Variants in TANC2 observed in about 807,000 individuals in gnomAD.
The protein encoded by TANC2 is protein TANC2.
Under a neutral mutation model 210.5 loss-of-function variants are expected in TANC2, and 26 were observed. The observed-to-expected ratio is 0.12, with a 90% CI of 0.09 to 0.17. The LOEUF is 0.17. Ranked by LOEUF, TANC2 falls within the 10% of genes least tolerant of loss-of-function variation. TANC2 has a pLI of 1.00. For missense variants in TANC2, 2,129 were observed against 2,608.9 expected (o/e 0.82, Z 4.01); for synonymous variants, 931 against 967.1 (o/e 0.96, Z 0.69).
At chr17:63,295,702 A>G (rs1292191671) in intron 9 of TANC2, among the ~76,000 whole-genome samples, 3 of 152,222 alleles carry the variant, frequency 2.0e-5, no homozygotes, top group Non-Finnish European at 4.4e-5. Flanking sequence ...CAGATGTAAT[A>G]ATCAAATCCT....
chr17:63,421,836 A>T lies in TANC2; in HGVS notation c.6106A>T (p.Thr2036Ser), dbSNP rs778950132. The T allele has an allele frequency of 6.2e-7, 1 of 1,613,864 alleles. No homozygotes were observed. ...CTATCCCGACGTGAAGGTAGCTCGG[A>T]CTCTACCTGTGGCTCAGGCATACCA... The change falls in exon 28 of 28, where the codon ACT becomes TCT. Residue 2036 changes from threonine to serine, a missense_variant. Thr to Ser is a moderately conservative substitution (Grantham distance 58). Around this residue, in one of 5 missense-constraint regions of TANC2, gnomAD observed 161 missense variants for 178.6 expected, o/e 0.90. Transcript: ENST00000689528. This position sits in a 1 kb window ranked among gnomAD's most constrained non-coding sequence, Gnocchi z 6.9.
intron 2 of TANC2, among the ~76,000 whole-genome samples, chr17:63,066,701 A>G (rs774866260): frequency 5.3e-5 from 8 of 152,086 alleles, no homozygotes; most frequent in South Asian, 2.1e-4. Flanking sequence ...GTGGAGCTAT[A>G]GTACCAAGAG....
At chr17:63,373,649 T>C (rs1429409980) in intron 14 of TANC2, among the ~76,000 whole-genome samples, 1 of 152,226 alleles carries the variant, frequency 6.6e-6, no homozygotes, top group Non-Finnish European at 1.5e-5. Flanking sequence ...TTTACTGCTA[T>C]ACCTATGGTA....
At chr17:63,332,513 A>C (rs191337248) in intron 11 of TANC2, 14 of 397,312 alleles carry the variant, frequency 3.5e-5, no homozygotes, top group Middle Eastern at 1.8e-3. Flanking sequence ...AATCAGCCCC[A>C]CTGGATTTAG....
chr17:63,412,556 G>A lies in TANC2; in HGVS notation c.3899-124G>A. On this transcript the variant is annotated intron_variant, in intron 23 of 27. Coordinates refer to ENST00000689528, the Ensembl canonical transcript of TANC2. This position sits in a 1 kb window ranked among gnomAD's most constrained non-coding sequence, Gnocchi z 4.2. ...GCCCACAGACCTATAGACGAGGGTTGGCTGATATGCTGGCTTTGTGCTGCC... is the reference window on the plus strand; with the variant it reads ...GCCCACAGACCTATAGACGAGGGTTAGCTGATATGCTGGCTTTGTGCTGCC... The A allele has an allele frequency of 1.1e-6, 1 of 906,416 alleles. No individual in the cohort carries two copies. The highest frequency in any genetic ancestry group is 2.6e-5 in the East Asian group (1 of 38,108). The allele number at this position is 906,416 out of a possible 1,614,324, so 56.1% of individuals were successfully genotyped here.
intron 12 of TANC2, among the ~76,000 whole-genome samples, chr17:63,350,268 C>G (rs2046556544): frequency 6.6e-6 from 1 of 152,164 alleles, no homozygotes; most frequent in Admixed American, 6.5e-5. Context: ...AAACCTGTTT[C>G]TCACTCCAGG....
At chr17:63,105,744 T>C (rs1293688647) in intron 4 of TANC2, among the ~76,000 whole-genome samples, 1 of 151,636 alleles carries the variant, frequency 6.6e-6, no homozygotes, top group Non-Finnish European at 1.5e-5. Flanking sequence ...TTGGAAAATA[T>C]AAAGGGCCTG....
exon 12 of TANC2, chr17:63,340,199 G>T (rs772164592): frequency 1.8e-5 from 29 of 1,613,908 alleles, no homozygotes; most frequent in Non-Finnish European, 2.5e-5. Flanking sequence ...GCTCACCTCA[G>T]CTGACAGCCT....
chr17:63,282,150 A>G (rs1310397618), intron 9 of TANC2, among the ~76,000 whole-genome samples: 3 of 152,122 alleles, frequency 2.0e-5, no homozygotes, highest in South Asian at 2.1e-4. Flanking sequence ...ATAGACAAAC[A>G]TTAGCAATAA....
chr17:63,328,368 A>ATG (rs2045722101), intron 11 of TANC2, among the ~76,000 whole-genome samples: 1 of 126,782 alleles, frequency 7.9e-6, no homozygotes, highest in African/African-American at 3.8e-5. Flanking sequence ...TGGTATGTGT[A>ATG]TGTGTATATG....
Position 63,009,115 on chromosome 17 carries a change from G to A in TANC2, c.-23-422G>A, listed in dbSNP as rs1385410308. Among the ~76,000 whole-genome samples, 4 of 151,580 alleles carry A rather than the reference G, an allele frequency of 2.6e-5. No individual in the cohort carries two copies. The East Asian group carries it at 7.7e-4, about 29-fold the overall frequency. The stretch of plus-strand genomic sequence containing the variant: ...AAACATAGTTAATTATCTTTTTCTG[G>A]TTTAGCACTTTTATTACTTTTTAAT... On this transcript the variant is annotated intron_variant, in intron 1 of 27. Transcript: ENST00000689528.
chr17:63,029,453 A>C (rs1292172997), intron 2 of TANC2, among the ~76,000 whole-genome samples: 1 of 152,084 alleles, frequency 6.6e-6, no homozygotes, highest in African/African-American at 2.4e-5. Flanking sequence ...AGAAAGTCAT[A>C]ATTATTCTGG....
chr17:63,417,066 A>G (rs1451633889), intron 26 of TANC2, among the ~76,000 whole-genome samples: 1 of 152,214 alleles, frequency 6.6e-6, no homozygotes, highest in African/African-American at 2.4e-5. Flanking sequence ...ATAAAAGGGT[A>G]AGGCTGGAAG....
intron 1 of TANC2, among the ~76,000 whole-genome samples, chr17:62,991,143 GGGTT>G (rs2032839889): frequency 6.6e-6 from 1 of 152,056 alleles, no homozygotes; most frequent in Admixed American, 6.6e-5. Context: ...GGGAGTTTGG[GGGTT>G]TGGTGGGAGA....
chr17:63,020,459 A>G (rs990787807), intron 2 of TANC2, among the ~76,000 whole-genome samples: 5 of 152,130 alleles, frequency 3.3e-5, no homozygotes, highest in Admixed American at 6.5e-5. Context: ...ACACGCCACC[A>G]TGTCTGGCTA....
intron 15 of TANC2, among the ~76,000 whole-genome samples, chr17:63,383,369 C>T (rs1176277103): frequency 6.6e-6 from 1 of 152,172 alleles, no homozygotes; most frequent in Non-Finnish European, 1.5e-5. Flanking sequence ...TTCCTCTCCC[C>T]TTACCCTCCT....
At chr17:63,117,743 G>A (rs2038307592) in intron 4 of TANC2, among the ~76,000 whole-genome samples, 1 of 152,156 alleles carries the variant, frequency 6.6e-6, no homozygotes, top group Non-Finnish European at 1.5e-5. Context: ...GTATTGACTA[G>A]TGAGGAAGAA....
chr17:63,279,088 G>T lies in TANC2; in HGVS notation c.1159+11215G>T, dbSNP rs538754552. Among the ~76,000 whole-genome samples the T allele has an allele frequency of 2.0e-5, 3 of 152,228 alleles. No homozygotes were observed. In the East Asian group the frequency reaches 5.8e-4, roughly 29 times the overall value. On this transcript the variant is annotated intron_variant, in intron 9 of 27. Coordinates refer to ENST00000689528, the Ensembl canonical transcript of TANC2. ...TAAAAATTTAAGAGGGTAGCTTTGT[G>T]CTTTAATTAGCCTCTCCCCCTATGG...
At chr17:63,124,948 A>G (rs1243515344) in intron 4 of TANC2, among the ~76,000 whole-genome samples, 1 of 152,210 alleles carries the variant, frequency 6.6e-6, no homozygotes, top group African/African-American at 2.4e-5. Context: ...CTTCCGCAAA[A>G]TGGGTCTCTG....
Sources: allele counts gnomAD v4.1 joint callset (sites outside exome capture counted in the v4.1 genomes callset), GRCh38; gene constraint gnomAD v4.1.1; regional missense constraint gnomAD v4.1.1; non-coding constraint Gnocchi (gnomAD v3.1); transcripts MANE v1.5; gene names NCBI Gene and HGNC (gene_info 2026-07-23, HGNC 2026-07-21).